The following CNIH3 variants were observed in gnomAD, a reference collection of about 807,000 sequenced individuals.
CNIH3 encodes protein cornichon homolog 3.
A neutral mutation model predicts 24.1 loss-of-function variants in CNIH3; 14 were observed. The observed-to-expected ratio is 0.58, with a 90% CI of 0.38 to 0.91. The LOEUF (loss-of-function observed/expected upper bound fraction) is 0.91, where lower values mean the gene tolerates loss of function less well. Among genes scored for constraint, CNIH3 ranks in the 40% least tolerant of loss-of-function variants. CNIH3 has a pLI of 0.00. For missense variants in CNIH3, 178 were observed against 196.8 expected (o/e 0.90, Z 0.57); for synonymous variants, 68 against 73.8 (o/e 0.92, Z 0.40).
intron 1 of CNIH3, among the ~76,000 whole-genome samples, chr1:224,473,620 C>T (rs186717893): frequency 6.6e-6 from 1 of 152,184 alleles, no homozygotes; most frequent in East Asian, 1.9e-4. Flanking sequence ...AATATATATG[C>T]ATCCAACATG....
At chr1:224,467,426 T>C (rs1676193097) in intron 1 of CNIH3, among the ~76,000 whole-genome samples, 1 of 151,876 alleles carries the variant, frequency 6.6e-6, no homozygotes, top group Non-Finnish European at 1.5e-5. Flanking sequence ...TCATAGTTTT[T>C]GTTTGTTTGT....
chr1:224,478,819 C>T (rs920740488), intron 1 of CNIH3, among the ~76,000 whole-genome samples: 10 of 152,136 alleles, frequency 6.6e-5, no homozygotes, highest in African/African-American at 1.2e-4. Flanking sequence ...GGGGAGGGTT[C>T]ACAATCATGG....
chr1:224,726,750 T>A (rs1473477462), intron 3 of CNIH3, among the ~76,000 whole-genome samples: 7 of 152,208 alleles, frequency 4.6e-5, no homozygotes, highest in Admixed American at 4.6e-4. Context: ...AATACTTATA[T>A]TGAGATTTAG....
At chr1:224,578,767 T>C (rs1345232321) in intron 4 of CNIH3, among the ~76,000 whole-genome samples, 2 of 152,242 alleles carry the variant, frequency 1.3e-5, no homozygotes, top group Non-Finnish European at 2.9e-5. Context: ...GCTAATTCAA[T>C]GTCTTTCTGA....
intron 3 of CNIH3, among the ~76,000 whole-genome samples, chr1:224,552,209 A>G (rs1292968181): frequency 6.6e-6 from 1 of 151,452 alleles, no homozygotes; most frequent in Non-Finnish European, 1.5e-5. Flanking sequence ...ATTACCAATA[A>G]TATCACAGGG....
chr1:224,528,233 C>T (rs1309050347), intron 2 of CNIH3, among the ~76,000 whole-genome samples: 1 of 152,148 alleles, frequency 6.6e-6, no homozygotes, highest in Non-Finnish European at 1.5e-5. Flanking sequence ...CACTGCACTC[C>T]AGCCTGGGTG....
chr1:224,561,577 C>G (rs140491996), intron 3 of CNIH3, among the ~76,000 whole-genome samples: 28 of 152,256 alleles, frequency 1.8e-4, no homozygotes, highest in Non-Finnish European at 3.1e-4. Flanking sequence ...GTGGCCTCTT[C>G]TAATGGGAAC....
At chr1:224,471,646 A>G (rs1187068195) in intron 1 of CNIH3, among the ~76,000 whole-genome samples, 2 of 149,278 alleles carry the variant, frequency 1.3e-5, no homozygotes, top group African/African-American at 2.5e-5. Context: ...GCTGGAGTGC[A>G]GTGGCGTGAT....
At chr1:224,613,255 C>T (rs1484171489), upstream of CNIH3, among the ~76,000 whole-genome samples, 1 of 152,192 alleles carries the variant, frequency 6.6e-6, no homozygotes, top group Non-Finnish European at 1.5e-5. Flanking sequence ...CCCGCCTCAG[C>T]CTCCCAAAGT....
chr1:224,532,154 A>T (rs1558135899), intron 2 of CNIH3, among the ~76,000 whole-genome samples: 1 of 152,160 alleles, frequency 6.6e-6, no homozygotes, highest in Admixed American at 6.5e-5. Context: ...GGTGGATTGC[A>T]ATTTTAAATA....
chr1:224,627,759 C>T (rs1265478478), intron 1 of CNIH3, among the ~76,000 whole-genome samples: 1 of 152,118 alleles, frequency 6.6e-6, no homozygotes, highest in Non-Finnish European at 1.5e-5. Context: ...TAATGAGGCT[C>T]AGGGGCCCGG....
chr1:224,693,962 G>A (rs914827296), intron 3 of CNIH3, among the ~76,000 whole-genome samples: 4 of 152,256 alleles, frequency 2.6e-5, no homozygotes, highest in Non-Finnish European at 4.4e-5. Context: ...CCCCATGGGG[G>A]GCCACGGTAG....
At chr1:224,624,682 C>T (rs1171132925) in intron 1 of CNIH3, among the ~76,000 whole-genome samples, 1 of 152,204 alleles carries the variant, frequency 6.6e-6, no homozygotes, top group Non-Finnish European at 1.5e-5. Flanking sequence ...GACTAAACCA[C>T]CCCACTCATG....
At chr1:224,481,961 T>G (rs1047771495) in intron 1 of CNIH3, among the ~76,000 whole-genome samples, 2 of 151,934 alleles carry the variant, frequency 1.3e-5, no homozygotes, top group African/African-American at 4.8e-5. Context: ...CTGGAACGAG[T>G]CTTTTCCACT....
At chr1:224,510,160 C>T (rs1160680366) in intron 1 of CNIH3, among the ~76,000 whole-genome samples, 1 of 152,116 alleles carries the variant, frequency 6.6e-6, no homozygotes, top group East Asian at 1.9e-4. Flanking sequence ...TGAGGGAAGT[C>T]TATGGATGTT....
At position 224,616,570 on chromosome 1, in the gene CNIH3, A is replaced by G. The variant is rs543801430; in HGVS notation, c.-605A>G. The G allele has an allele frequency of 4.8e-4, 475 of 986,820 alleles. 3 individuals carry two copies. The African/African-American group carries it at 6.8e-3, about 14-fold the overall frequency. 61.1% of individuals were successfully genotyped at this position (986,820 alleles called of 1,614,324 possible). A position where few individuals can be genotyped will look rare whatever the true frequency, so the allele number is the denominator to read the frequency against. ...GCGCTGGAAGCCGCGTCTGGGGCGCAGGACCAACGGGACCTACCTCCTCCC... is the reference window on the plus strand; with the variant it reads ...GCGCTGGAAGCCGCGTCTGGGGCGCGGGACCAACGGGACCTACCTCCTCCC... On this transcript the variant is annotated 5_prime_UTR_variant, in exon 1 of 6. Transcript: ENST00000272133.
chr1:224,441,271 G>A (rs973608128), intron 1 of CNIH3, among the ~76,000 whole-genome samples: 1 of 152,148 alleles, frequency 6.6e-6, no homozygotes, highest in African/African-American at 2.4e-5. Context: ...AAACATGCCA[G>A]ATAAGGCAAT....
intron 2 of CNIH3, among the ~76,000 whole-genome samples, chr1:224,682,837 A>G (rs1309986895): frequency 6.6e-6 from 1 of 152,250 alleles, no homozygotes; most frequent in Non-Finnish European, 1.5e-5. Flanking sequence ...TAGGCAGCTC[A>G]CTTAGAACAC....
intron 3 of CNIH3, among the ~76,000 whole-genome samples, chr1:224,693,680 A>G (rs1186911803): frequency 6.6e-6 from 1 of 152,214 alleles, no homozygotes; most frequent in Non-Finnish European, 1.5e-5. Flanking sequence ...GGGGGACTAC[A>G]AAGTTAGGGG....
Sources: gnomAD v4.1 joint callset for allele counts (sites outside exome capture counted in the v4.1 genomes callset) on GRCh38, gnomAD v4.1.1 for gene constraint, MANE v1.5 for transcripts, NCBI Gene and HGNC (gene_info 2026-07-23, HGNC 2026-07-21) for gene names.